COL24A1: variants seen among roughly 807,000 people sequenced by gnomAD.
COL24A1 encodes the protein collagen alpha-1(XXIV) chain.
In COL24A1, 224 loss-of-function variants were observed where a neutral mutation model predicts 253.9. The ratio of observed to expected loss-of-function variants is 0.88; its 90% confidence interval spans 0.79 to 0.99. The LOEUF is 0.99. Among genes scored for constraint, COL24A1 ranks in the 50% least tolerant of loss-of-function variants. The pLI is 0.00. For synonymous variants in COL24A1, 685 were observed against 673.7 expected (o/e 1.02, Z -0.26); for missense variants, 2,131 against 2,068.5 (o/e 1.03, Z -0.59).
At chr1:86,054,968 T>C (rs1700564523) in intron 10 of COL24A1, among the ~76,000 whole-genome samples, 1 of 151,962 alleles carries the variant, frequency 6.6e-6, no homozygotes, top group African/African-American at 2.4e-5. Context: ...GCCATAAAAA[T>C]GAACAAAATC....
At chr1:86,049,424 T>G (rs1336277098) in intron 11 of COL24A1, among the ~76,000 whole-genome samples, 1 of 152,194 alleles carries the variant, frequency 6.6e-6, no homozygotes, top group African/African-American at 2.4e-5. Flanking sequence ...TGAACTACAT[T>G]CTTATAATGA....
intron 47 of COL24A1, among the ~76,000 whole-genome samples, chr1:85,786,712 G>A (rs1042109034): frequency 1.3e-5 from 2 of 152,018 alleles, no homozygotes; most frequent in Non-Finnish European, 2.9e-5. Context: ...AAAGCAATAC[G>A]AAGTCCACCA....
In COL24A1 at chr1:85,911,526, T is replaced by G. The variant is rs572116448; in HGVS notation, c.2563-93A>C. 2.1e-3 allele frequency: 2,085 copies of G among 992,256 alleles called. 5 individuals are homozygous for G. Among genetic ancestry groups the G allele is most frequent in the Non-Finnish European group, 2.9e-3 (1,835 of 630,850 alleles). 61.5% of individuals were successfully genotyped at this position (992,256 alleles called of 1,614,324 possible). A position where few individuals can be genotyped will look rare whatever the true frequency, so the allele number is the denominator to read the frequency against. On this transcript the variant is annotated intron_variant, in intron 24 of 59. Transcript: ENST00000370571. ...AATCACCTGTAATCACTATGTTTCTTTCTAACTTATCCTAAATGTTATCTT... is the reference window on the plus strand; with the variant it reads ...AATCACCTGTAATCACTATGTTTCTGTCTAACTTATCCTAAATGTTATCTT...
chr1:85,963,832 C>G (rs1053729394), intron 23 of COL24A1, among the ~76,000 whole-genome samples: 1 of 152,154 alleles, frequency 6.6e-6, no homozygotes, highest in Non-Finnish European at 1.5e-5. Context: ...TGGTAGCTCA[C>G]AGTTGGATTT....
At chr1:85,816,548 A>G (rs1025002352) in intron 47 of COL24A1, among the ~76,000 whole-genome samples, 1 of 152,190 alleles carries the variant, frequency 6.6e-6, no homozygotes, top group African/African-American at 2.4e-5. Flanking sequence ...CAGATTTTAT[A>G]TTTTTAAAAT....
At chr1:85,883,138 T>C (rs1039585097) in intron 32 of COL24A1, among the ~76,000 whole-genome samples, 29 of 152,160 alleles carry the variant, frequency 1.9e-4, no homozygotes, top group Non-Finnish European at 1.3e-4. Flanking sequence ...GTTGTCTTTA[T>C]TCTTTATTGC....
chr1:85,765,727 C>A (rs1218526586), intron 53 of COL24A1, among the ~76,000 whole-genome samples: 1 of 151,842 alleles, frequency 6.6e-6, no homozygotes, highest in Non-Finnish European at 1.5e-5. Context: ...GGTGACAGAG[C>A]AAGACTCTGT....
chr1:85,974,597 T>A (rs978447732), intron 20 of COL24A1, among the ~76,000 whole-genome samples: 2 of 152,024 alleles, frequency 1.3e-5, no homozygotes, highest in Non-Finnish European at 2.9e-5. Flanking sequence ...CAAAAGAACA[T>A]TTACCTCTAA....
Position 86,047,019 on chromosome 1 carries a change from A to G in COL24A1, c.1906-150T>C, listed in dbSNP as rs1699958481. 1.1e-5 allele frequency: 7 copies of G among 627,384 alleles called. No homozygotes were observed. In the East Asian group the frequency reaches 1.7e-4, roughly 15 times the overall value. The allele number at this position is 627,384 out of a possible 1,614,324, so 38.9% of individuals were successfully genotyped here. A position where few individuals can be genotyped will look rare whatever the true frequency, so the allele number is the denominator to read the frequency against. On this transcript the variant is annotated intron_variant, in intron 11 of 59. Coordinates refer to ENST00000370571, the MANE Select transcript of COL24A1 (RefSeq NM_152890.7). Reference sequence around the variant, plus strand: ...ATGTGATATTCAGAAAAGCCTCAATATATTAATTTAACTGAGGCAGCCCCT... The same window carrying G: ...ATGTGATATTCAGAAAAGCCTCAATGTATTAATTTAACTGAGGCAGCCCCT...
intron 19 of COL24A1, among the ~76,000 whole-genome samples, chr1:85,995,099 T>G (rs1054549616): frequency 6.6e-6 from 1 of 152,332 alleles, no homozygotes; most frequent in South Asian, 2.1e-4. Context: ...AAATTCCTTA[T>G]GACAAAACAT....
intron 20 of COL24A1, among the ~76,000 whole-genome samples, chr1:85,986,861 A>G (rs1044187464): frequency 4.6e-5 from 7 of 151,802 alleles, no homozygotes; most frequent in African/African-American, 7.2e-5. Flanking sequence ...TCCCAACTTC[A>G]GGCTATTTCA....
At chr1:86,152,883 T>G (rs1043379513) in intron 1 of COL24A1, among the ~76,000 whole-genome samples, 2 of 152,140 alleles carry the variant, frequency 1.3e-5, no homozygotes, top group African/African-American at 4.8e-5. Flanking sequence ...AATACATAAC[T>G]TATCTAGCAT....
intron 3 of COL24A1, among the ~76,000 whole-genome samples, chr1:86,120,178 C>T (rs530960988): frequency 4.6e-5 from 7 of 152,150 alleles, no homozygotes; most frequent in Non-Finnish European, 7.3e-5. Flanking sequence ...AGACCTAAAA[C>T]CATAAAAATC....
intron 2 of COL24A1, among the ~76,000 whole-genome samples, chr1:86,131,264 A>T (rs1199625022): frequency 6.6e-6 from 1 of 152,024 alleles, no homozygotes; most frequent in Admixed American, 6.6e-5. Context: ...GGTGCATAGT[A>T]TGATCATTCA....
intron 14 of COL24A1, among the ~76,000 whole-genome samples, chr1:86,026,569 T>TTGG (rs1053013337): frequency 6.6e-6 from 1 of 152,240 alleles, no homozygotes; most frequent in Non-Finnish European, 1.5e-5. Flanking sequence ...AACATGACTG[T>TTGG]AAGTTTCCTG....
intron 59 of COL24A1, among the ~76,000 whole-genome samples, chr1:85,732,193 C>T (rs1663549332): frequency 6.6e-6 from 1 of 151,948 alleles, no homozygotes; most frequent in Non-Finnish European, 1.5e-5. Context: ...AAGGCCTGGG[C>T]TTTGGAGTTC....
intron 20 of COL24A1, among the ~76,000 whole-genome samples, chr1:85,986,759 A>G (rs930870034): frequency 2.6e-5 from 4 of 151,804 alleles, no homozygotes; most frequent in Non-Finnish European, 5.9e-5. Context: ...AGCTATAATC[A>G]AGATCCTTTC....
At chr1:85,960,998 A>T (rs1691000369) in intron 24 of COL24A1, 1 of 317,106 alleles carries the variant, frequency 3.2e-6, no homozygotes, top group Admixed American at 5.1e-5. Context: ...AAATATTAGA[A>T]ACAATGTTTC....
intron 12 of COL24A1, among the ~76,000 whole-genome samples, chr1:86,042,329 T>C (rs1056287780): frequency 3.3e-5 from 5 of 152,222 alleles, no homozygotes; most frequent in Non-Finnish European, 7.4e-5. Context: ...ACCAAATTCC[T>C]AACAAAAACA....
Sources: allele counts gnomAD v4.1 joint callset (sites outside exome capture counted in the v4.1 genomes callset), GRCh38; gene constraint gnomAD v4.1.1; transcripts MANE v1.5; gene names NCBI Gene and HGNC (gene_info 2026-07-23, HGNC 2026-07-21).